LRMDA: variants seen among roughly 807,000 people sequenced by gnomAD.
LRMDA encodes the protein leucine-rich melanocyte differentiation-associated protein.
In LRMDA, 18 loss-of-function variants were observed where a neutral mutation model predicts 29.8. The ratio of observed to expected loss-of-function variants is 0.60; its 90% CI spans 0.42 to 0.90. The LOEUF (loss-of-function observed/expected upper bound fraction) is 0.90. Ranked by LOEUF, LRMDA falls within the 40% of genes least tolerant of loss-of-function variation. The probability of loss-of-function intolerance (pLI) is 0.00; values close to 1 mark genes in which losing one functional copy is unlikely to be tolerated. For synonymous variants in LRMDA, 125 were observed against 109.4 expected, an observed-to-expected ratio of 1.14 and a Z score of -0.89; for missense variants, 273 against 273.9, an observed-to-expected ratio of 1.00 and a Z score of 0.02.
rs752208696 is a variant in LRMDA at position 75,852,538 on chromosome 10, AC to A, written c.132-183469del. Among the ~76,000 whole-genome samples, 870 of 99,712 alleles carry A rather than the reference AC, an allele frequency of 8.7e-3. 6 individuals are homozygous for A. Among genetic ancestry groups the A allele is most frequent in the African/African-American group, 0.022 (787 of 35,894 alleles). 65.4% of individuals were successfully genotyped at this position (99,712 alleles called of 152,430 possible). A position where few individuals can be genotyped will look rare whatever the true frequency, so the allele number is the denominator to read the frequency against. On this transcript the variant is annotated intron_variant, in intron 2 of 6. Transcript: ENST00000611255. ...AAAAAAAAGCAAAACAACAACAACA[AC>A]AACAAAAAAAACAACAAAAAAATAG...
intron 5 of LRMDA, among the ~76,000 whole-genome samples, chr10:76,131,596 G>A (rs575663005): frequency 6.6e-6 from 1 of 151,494 alleles, no homozygotes; most frequent in East Asian, 1.9e-4. Context: ...TGTGTATTGG[G>A]GCCCATTTTC....
chr10:75,720,263 G>A (rs756631856), intron 2 of LRMDA, among the ~76,000 whole-genome samples: 1 of 152,212 alleles, frequency 6.6e-6, no homozygotes, highest in Admixed American at 6.5e-5. Context: ...AAGATGGGGT[G>A]AAAAGGAGGC....
At chr10:75,906,742 A>G (rs1458040498) in intron 2 of LRMDA, among the ~76,000 whole-genome samples, 1 of 152,270 alleles carries the variant, frequency 6.6e-6, no homozygotes, top group African/African-American at 2.4e-5. Flanking sequence ...CTGGCCAGGT[A>G]AAACAAACAG....
chr10:76,250,271 C>A (rs185407592), intron 5 of LRMDA, among the ~76,000 whole-genome samples: 21 of 152,272 alleles, frequency 1.4e-4, no homozygotes, highest in Admixed American at 1.3e-4. Context: ...GGAAAAAATT[C>A]ATTAGTTTGA....
At chr10:75,941,305 A>G (rs2132410107) in intron 2 of LRMDA, among the ~76,000 whole-genome samples, 1 of 152,338 alleles carries the variant, frequency 6.6e-6, no homozygotes, top group South Asian at 2.1e-4. Context: ...TGAGGATTAA[A>G]TAACTAATGA....
chr10:76,432,558 C>A (rs887803898), intron 6 of LRMDA, among the ~76,000 whole-genome samples: 40 of 152,160 alleles, frequency 2.6e-4, no homozygotes, highest in African/African-American at 8.9e-4. Context: ...GCTAACAGGG[C>A]TCCCAAAGCT....
At chr10:76,437,716 G>A (rs894705422) in intron 6 of LRMDA, among the ~76,000 whole-genome samples, 2 of 152,176 alleles carry the variant, frequency 1.3e-5, no homozygotes, top group African/African-American at 4.8e-5. Context: ...AGAGCAGAAT[G>A]GGTGCATTCA....
intron 2 of LRMDA, among the ~76,000 whole-genome samples, chr10:75,874,592 T>A (rs1845166135): frequency 6.6e-6 from 1 of 152,166 alleles, no homozygotes; most frequent in Admixed American, 6.5e-5. Context: ...TTTTAGGGAC[T>A]TGCCTAAAGT....
chr10:76,275,780 A>C (rs1005803108), intron 5 of LRMDA, among the ~76,000 whole-genome samples: 5 of 152,178 alleles, frequency 3.3e-5, no homozygotes, highest in African/African-American at 1.2e-4. Context: ...GTTTTTGCAC[A>C]GTATTTCTTT....
intron 2 of LRMDA, among the ~76,000 whole-genome samples, chr10:75,791,357 T>C (rs1272238900): frequency 2.0e-5 from 3 of 152,172 alleles, no homozygotes; most frequent in African/African-American, 7.2e-5. Context: ...TAAAATTCCA[T>C]AAGCAGTAAT....
chr10:75,503,496 A>G (rs986971370), intron 2 of LRMDA, among the ~76,000 whole-genome samples: 1 of 151,928 alleles, frequency 6.6e-6, no homozygotes, highest in Admixed American at 6.6e-5. Context: ...TTCTTGCTTT[A>G]TAATTGGTCA....
At chr10:76,396,082 T>C (rs143886966) in intron 6 of LRMDA, among the ~76,000 whole-genome samples, 16 of 152,324 alleles carry the variant, frequency 1.1e-4, no homozygotes, top group African/African-American at 3.1e-4. Context: ...CTGTGGTTTT[T>C]CCCCCTGAAC....
intron 2 of LRMDA, among the ~76,000 whole-genome samples, chr10:75,867,001 C>T (rs899792056): frequency 1.3e-5 from 2 of 152,056 alleles, no homozygotes; most frequent in African/African-American, 4.8e-5. Flanking sequence ...TATTTGTTTC[C>T]CTTTAAATAA....
chr10:75,949,019 ATG>A (rs897402495), intron 2 of LRMDA, among the ~76,000 whole-genome samples: 2 of 151,642 alleles, frequency 1.3e-5, no homozygotes, highest in Admixed American at 1.3e-4. Context: ...TGTGTGTAAA[ATG>A]TGTGTGTGTG....
At chr10:75,733,252 G>A (rs1377940158) in intron 2 of LRMDA, among the ~76,000 whole-genome samples, 2 of 152,214 alleles carry the variant, frequency 1.3e-5, no homozygotes, top group African/African-American at 2.4e-5. Flanking sequence ...GCACAGTGGT[G>A]AGCTCTGCAT....
At chr10:75,484,469 A>T (rs1844889064) in intron 2 of LRMDA, among the ~76,000 whole-genome samples, 1 of 152,158 alleles carries the variant, frequency 6.6e-6, no homozygotes. Context: ...AGATTTTTGC[A>T]TTGGTTTTCA....
At chr10:75,538,070 A>T (rs1471741123) in intron 2 of LRMDA, among the ~76,000 whole-genome samples, 1 of 152,178 alleles carries the variant, frequency 6.6e-6, no homozygotes, top group Non-Finnish European at 1.5e-5. Flanking sequence ...ACCACAGTAT[A>T]CGGTTGGGGA....
intron 2 of LRMDA, among the ~76,000 whole-genome samples, chr10:75,462,766 A>T (rs1844602345): frequency 6.6e-6 from 1 of 152,236 alleles, no homozygotes; most frequent in African/African-American, 2.4e-5. Context: ...GAATTTATTT[A>T]TTATAAGGTC....
chr10:76,087,167 A>G (rs1849149768), intron 5 of LRMDA, among the ~76,000 whole-genome samples: 1 of 152,198 alleles, frequency 6.6e-6, no homozygotes, highest in Non-Finnish European at 1.5e-5. Context: ...AGTGTCAGGT[A>G]GAGGAATTAC....
Sources: allele counts gnomAD v4.1 joint callset (sites outside exome capture counted in the v4.1 genomes callset), GRCh38; gene constraint gnomAD v4.1.1; transcripts MANE v1.5; gene names NCBI Gene and HGNC (gene_info 2026-07-23, HGNC 2026-07-21).